Variants in ROBO4 observed in about 807,000 individuals in gnomAD.
The protein encoded by ROBO4 is roundabout guidance receptor 4.
In ROBO4, 80 loss-of-function variants were observed where a neutral mutation model predicts 103.3. The ratio of observed to expected loss-of-function variants is 0.77; its 90% confidence interval spans 0.65 to 0.93. The LOEUF is 0.93. ROBO4 is among the 40% of genes least tolerant of loss of function. ROBO4 has a pLI of 0.00. For synonymous variants in ROBO4, 504 were observed against 529.7 expected (o/e 0.95, Z 0.67); for missense variants, 1,333 against 1,305.3 (o/e 1.02, Z -0.33).
rs1330686154 is a variant in ROBO4 at position 124,895,656 on chromosome 11, A to T, written c.837T>A (p.Ser279=). The change falls in exon 6 of 18, where the codon TCT becomes TCA. Residue 279 remains serine (S), a synonymous_variant. Transcript: ENST00000306534. ...KVSGPAAPAQ[S]YTALFRTQTA... ...TCTGGGTCCTGAACAAGGCCGTGTA[A>T]GATTGGGCAGGCGCAGCAGGGCCAC... The T allele has an allele frequency of 1.9e-6, 3 of 1,613,314 alleles. No individual in the cohort carries two copies. Among genetic ancestry groups the T allele is most frequent in the East Asian group, 2.2e-5 (1 of 44,854 alleles).
chr11:124,897,562 A>G, intron 1 of ROBO4, 164 bp downstream of exon 1: 1 of 621,558 alleles, frequency 1.6e-6, no homozygotes, highest in Non-Finnish European at 2.9e-6. Context: ...GTGTGTGCGC[A>G]CATGCACAAA....
At position 124,891,748 on chromosome 11, in the gene ROBO4, G is replaced by T; in HGVS notation, c.1602C>A (p.Gly534=). ...WLADTWRSTS[G]SRDLSSSSSL... ...TGCTGCTGCTGCTCAGGTCCCGAGA[G>T]CCAGAGGTGGAACGCCAAGTGTCTG... Residue 534 remains glycine, a synonymous_variant, in exon 11 of 18, where the codon GGC becomes GGA. Transcript: ENST00000306534. 1 of 1,613,980 alleles carries T rather than the reference G, an allele frequency of 6.2e-7. No individual in the cohort carries two copies. Among genetic ancestry groups the T allele is most frequent in the Non-Finnish European group, 8.5e-7 (1 of 1,179,832 alleles).
chr11:124,887,242 G>T (rs760340932), intron 14 of ROBO4, 29 bp from the exon 15 acceptor site: 1 of 1,586,396 alleles, frequency 6.3e-7, no homozygotes, highest in Non-Finnish European at 8.6e-7. Flanking sequence ...TGATGGCACC[G>T]TAGTTACTAC....
At chr11:124,888,760 G>C (rs1052238037) in intron 12 of ROBO4, among the ~76,000 whole-genome samples, 1 of 152,226 alleles carries the variant, frequency 6.6e-6, no homozygotes, top group Admixed American at 6.5e-5. Context: ...GCAATGACCT[G>C]TGAGCATGCT....
chr11:124,894,223 A>G lies in ROBO4; in HGVS notation c.1296T>C (p.Ser432=). The change falls in exon 8 of 18, where the codon AGT becomes AGC. Residue 432 remains serine, a synonymous_variant. Coordinates refer to ENST00000306534, the MANE Select transcript of ROBO4 (RefSeq NM_019055.6). ...AVTGAGAGEP[S]RPVCLLLEQA... is the part of the protein sequence containing the mutation. The stretch of plus-strand genomic sequence containing the variant: ...CACCTAAAAGGAGGCAGACAGGTCT[A>G]CTGGGCTCCCCAGCTCCAGCACCAG... 6.2e-7 allele frequency: 1 copy of G among 1,613,230 alleles called. No individual in the cohort carries two copies. Among genetic ancestry groups the G allele is most frequent in the Middle Eastern group, 1.8e-4 (1 of 5,672 alleles).
In ROBO4 at chr11:124,887,443, A is replaced by T. The variant is rs1946733798; in HGVS notation, c.2113T>A (p.Ser705Thr). 2 of 1,613,858 alleles carry T rather than the reference A, an allele frequency of 1.2e-6. No individual in the cohort carries two copies. Among genetic ancestry groups the T allele is most frequent in the Admixed American group, 1.7e-5 (1 of 59,986 alleles). The change falls in exon 14 of 18, where the codon TCC (serine) becomes ACC (threonine). Residue 705 changes from serine to threonine, a missense_variant. Transcript: ENST00000306534. The stretch of plus-strand genomic sequence containing the variant: ...TGACGAGTAACCAGCTCATTTGAGG[A>T]GCTGAGGAGTTTCGGTCCCAGGGCC... ...WRALGPKLLSSSNELVTRHLP... is the reference protein window; with the variant it reads ...WRALGPKLLSTSNELVTRHLP...
chr11:124,887,314 C>T (rs560941192), intron 14 of ROBO4, 44 bp downstream of exon 14: 2 of 1,613,042 alleles, frequency 1.2e-6, no homozygotes, highest in Non-Finnish European at 1.7e-6. Context: ...ACTCCCCACA[C>T]CCCCACTCTC....
At chr11:124,895,736 C>A in intron 5 of ROBO4, 49 bp downstream of exon 5, 1 of 1,612,920 alleles carries the variant, frequency 6.2e-7, no homozygotes, top group Non-Finnish European at 8.5e-7. Context: ...TCAGGAACGC[C>A]CTTTCTTGAG....
chr11:124,891,842 G>A, intron 10 of ROBO4, 40 bp from the exon 11 acceptor site: 1 of 1,610,828 alleles, frequency 6.2e-7, no homozygotes, highest in Non-Finnish European at 8.5e-7. Context: ...AGGAGAAACA[G>A]GGAGAAGTGA....
intron 3 of ROBO4, 63 bp from the exon 4 acceptor site, chr11:124,896,381 G>A (rs1469931199): frequency 4.4e-6 from 7 of 1,603,798 alleles, no homozygotes; most frequent in Non-Finnish European, 6.0e-6. Context: ...CTGGGGGGAA[G>A]TTTGAGGCCC....
chr11:124,895,322 T>C (rs1419963270), intron 6 of ROBO4, 129 bp from the exon 7 acceptor site: 2 of 1,159,028 alleles, frequency 1.7e-6, no homozygotes, highest in Non-Finnish European at 1.3e-6. Flanking sequence ...TCTGCTGGCC[T>C]GGCCAGGGCA....
chr11:124,887,159 G>T lies in ROBO4; in HGVS notation c.2253C>A (p.Ile751=). ...GGGGACTGCAGGGGCTAAGGATGGG[G>T]ATGGGGGCTGCTGGCAGCAGGATGG... ...PSSILLPAAP[I]PILSPCSPPS... The change falls in exon 15 of 18, where the codon ATC becomes ATA. Residue 751 remains isoleucine, a synonymous_variant. Transcript: ENST00000306534. The T allele has an allele frequency of 6.2e-7, 1 of 1,608,132 alleles. No homozygotes were observed. Among genetic ancestry groups the T allele is most frequent in the Non-Finnish European group, 8.5e-7 (1 of 1,176,522 alleles).
chr11:124,897,470 G>GCTCTCT (rs10553259), intron 1 of ROBO4: 222 of 507,980 alleles, frequency 4.4e-4, no homozygotes, highest in African/African-American at 3.6e-3. Flanking sequence ...TAGCATGTTC[G>GCTCTCT]CTCTCTCTCT....
intron 10 of ROBO4, among the ~76,000 whole-genome samples, 153 bp downstream of exon 10, chr11:124,893,535 A>G (rs1402889597): frequency 6.6e-6 from 1 of 152,204 alleles, no homozygotes; most frequent in Non-Finnish European, 1.5e-5. Context: ...TTAATGACAG[A>G]GAAATGAACT....
chr11:124,893,713 T>C lies in ROBO4; in HGVS notation c.1522A>G (p.Ser508Gly). Residue 508 changes from serine to glycine, a missense_variant, in exon 10 of 18, where the codon AGT becomes GGT. Ser to Gly is a moderately conservative substitution (Grantham distance 56). Transcript: ENST00000306534. ...HLGPGLYRYT[S>G]EDAILKHRMD... ...CTGTGTTTTAGGATGGCATCCTCACTGGTATATCTGTACAGACCTGGGAGA... is the reference window on the plus strand; with the variant it reads ...CTGTGTTTTAGGATGGCATCCTCACCGGTATATCTGTACAGACCTGGGAGA... 1 of 1,614,042 alleles carries C rather than the reference T, an allele frequency of 6.2e-7. No homozygotes were observed. Among genetic ancestry groups the C allele is most frequent in the South Asian group, 1.1e-5 (1 of 91,074 alleles).
rs757152106 is a variant in ROBO4 at position 124,895,917 on chromosome 11, G to T, written c.680-5C>A. On this transcript the variant is annotated splice_region_variant and splice_polypyrimidine_tract_variant and intron_variant, in intron 4 of 17. Transcript: ENST00000306534. The stretch of plus-strand genomic sequence containing the variant: ...GCTCCGTGTAGTCCTGGGGCTCTGT[G>T]GGGAGGATAGGGCTGGGCTGGGGCT... 50 of 1,613,192 alleles carry T rather than the reference G, an allele frequency of 3.1e-5. No individual in the cohort carries two copies. Among genetic ancestry groups the T allele is most frequent in the Non-Finnish European group, 4.1e-5 (48 of 1,179,984 alleles).
chr11:124,893,758 T>TCCAGAGG lies in ROBO4; in HGVS notation c.1505-35_1505-29dup, dbSNP rs146093106. 5,114 of 1,613,814 alleles carry TCCAGAGG rather than the reference T, an allele frequency of 3.2e-3. 140 individuals are homozygous for TCCAGAGG. In the African/African-American group the frequency reaches 0.059, roughly 18 times the overall value. ...GGGAGAAGGCAGGAGGAAAGCTAAA[T>TCCAGAGG]CCAGAGGCTGGATCACCTGGTCAGA... On this transcript the variant is annotated intron_variant, in intron 9 of 17. Coordinates refer to ENST00000306534, the MANE Select transcript of ROBO4 (RefSeq NM_019055.6).
chr11:124,896,095 T>C, intron 4 of ROBO4, 103 bp downstream of exon 4: 1 of 1,549,376 alleles, frequency 6.5e-7, no homozygotes. Context: ...CCCCAGCACT[T>C]TGACCCTGAC....
At chr11:124,889,718 A>G (rs1946771809) in intron 12 of ROBO4, among the ~76,000 whole-genome samples, 1 of 152,160 alleles carries the variant, frequency 6.6e-6, no homozygotes, top group Non-Finnish European at 1.5e-5. Context: ...AATAATAAGA[A>G]AAAGGAACAA....
Sources: gnomAD v4.1 joint callset for allele counts (sites outside exome capture counted in the v4.1 genomes callset) on GRCh38, gnomAD v4.1.1 for gene constraint, MANE v1.5 for transcripts, NCBI Gene and HGNC (gene_info 2026-07-23, HGNC 2026-07-21) for gene names.